PTPRD: variants seen among roughly 807,000 people sequenced by gnomAD.
PTPRD encodes receptor-type tyrosine-protein phosphatase delta.
A neutral mutation model predicts 214.5 loss-of-function variants in PTPRD; 34 were observed. The ratio of observed to expected loss-of-function variants is 0.16; its 90% confidence interval spans 0.12 to 0.21. PTPRD has a LOEUF of 0.21. PTPRD is among the 10% of genes least tolerant of loss of function. PTPRD has a pLI of 1.00. For missense variants in PTPRD, 2,545 were observed against 2,398.7 expected (o/e 1.06, Z -1.27); for synonymous variants, 1,128 against 845.7 (o/e 1.33, Z -5.79).
intron 11 of PTPRD, among the ~76,000 whole-genome samples, chr9:8,800,971 T>C (rs1375339910): frequency 2.6e-5 from 4 of 152,362 alleles, no homozygotes; most frequent in Admixed American, 2.6e-4. Flanking sequence ...TGAACATCAA[T>C]GCTATGGGGC....
At chr9:10,179,077 T>C (rs746571981) in intron 3 of PTPRD, among the ~76,000 whole-genome samples, 34 of 151,886 alleles carry the variant, frequency 2.2e-4, no homozygotes, top group Non-Finnish European at 4.7e-4. Context: ...ATGCTAAATA[T>C]TAAACCAAAA....
chr9:9,273,183 T>C (rs1943622597), intron 9 of PTPRD, among the ~76,000 whole-genome samples: 1 of 151,350 alleles, frequency 6.6e-6, no homozygotes, highest in Non-Finnish European at 1.5e-5. Context: ...TGTCAATATA[T>C]GGCAAAAATG....
intron 9 of PTPRD, among the ~76,000 whole-genome samples, chr9:9,365,896 A>C (rs1325094675): frequency 1.3e-5 from 2 of 151,590 alleles, no homozygotes; most frequent in Non-Finnish European, 3.0e-5. Flanking sequence ...AAATTAATTC[A>C]TTCATTAGAA....
At chr9:8,856,916 A>C (rs2097925521) in intron 11 of PTPRD, among the ~76,000 whole-genome samples, 2 of 152,204 alleles carry the variant, frequency 1.3e-5, no homozygotes, top group African/African-American at 4.8e-5. Flanking sequence ...CCCACATAAA[A>C]GCTACAATAA....
At chr9:9,885,601 T>C (rs79066984) in intron 5 of PTPRD, among the ~76,000 whole-genome samples, 2,294 of 152,002 alleles carry the variant, frequency 0.015, 19 homozygotes, top group Non-Finnish European at 0.024. Flanking sequence ...CAAGAGTCCT[T>C]ATAAGGGAAG....
At chr9:9,540,488 G>T (rs1020520559) in intron 8 of PTPRD, among the ~76,000 whole-genome samples, 3 of 151,674 alleles carry the variant, frequency 2.0e-5, no homozygotes, top group Admixed American at 6.6e-5. Flanking sequence ...AGTGAAATAG[G>T]AGTACCAAAA....
chr9:10,064,949 T>C (rs2097848270), intron 3 of PTPRD, among the ~76,000 whole-genome samples: 2 of 151,990 alleles, frequency 1.3e-5, no homozygotes, highest in African/African-American at 4.8e-5. Context: ...ACAGTGACTT[T>C]CCTAAAATTT....
intron 3 of PTPRD, among the ~76,000 whole-genome samples, chr9:10,042,141 A>G (rs1214916617): frequency 6.6e-6 from 1 of 152,016 alleles, no homozygotes; most frequent in Non-Finnish European, 1.5e-5. Flanking sequence ...AGATTTAAAC[A>G]CTGGCAAATA....
Position 9,816,854 on chromosome 9 carries a change from T to A in PTPRD, c.-367-50003A>T, listed in dbSNP as rs1039925380. 7.3e-5 allele frequency among the ~76,000 whole-genome samples: 11 copies of A among 150,180 alleles called. 1 individual carries two copies. Among genetic ancestry groups the A allele is most frequent in the African/African-American group, 2.5e-4 (10 of 40,114 alleles). ...CTCTCTTATCCTATGCATGAAATGTTAATCACCATTACACTAAGGTGAGAA... is the reference window on the plus strand; with the variant it reads ...CTCTCTTATCCTATGCATGAAATGTAAATCACCATTACACTAAGGTGAGAA... On this transcript the variant is annotated intron_variant, in intron 5 of 45. Coordinates refer to ENST00000381196, the MANE Select transcript of PTPRD (RefSeq NM_002839.4).
intron 3 of PTPRD, among the ~76,000 whole-genome samples, chr9:10,328,227 T>C (rs2096680898): frequency 6.6e-6 from 1 of 151,446 alleles, no homozygotes; most frequent in African/African-American, 2.4e-5. Context: ...ACAGATTAAG[T>C]TTTTTATTTT....
chr9:9,260,992 T>A (rs528757049), intron 9 of PTPRD, among the ~76,000 whole-genome samples: 13 of 149,958 alleles, frequency 8.7e-5, no homozygotes, highest in African/African-American at 3.3e-4. Flanking sequence ...GTACATTTCA[T>A]TTTTTAACAG....
chr9:9,368,851 A>C (rs1247308496), intron 9 of PTPRD, among the ~76,000 whole-genome samples: 1 of 151,904 alleles, frequency 6.6e-6, no homozygotes, highest in Non-Finnish European at 1.5e-5. Flanking sequence ...GGTGTGCTGC[A>C]CCCATTAACT....
chr9:8,465,800 T>C (rs2096533460), intron 31 of PTPRD, 125 bp from the exon 32 acceptor site: 1 of 717,064 alleles, frequency 1.4e-6, no homozygotes, highest in Non-Finnish European at 2.3e-6. Flanking sequence ...ACATTTCATA[T>C]AGCACATCAG....
chr9:10,112,588 T>C (rs575311731), intron 3 of PTPRD, among the ~76,000 whole-genome samples: 48 of 152,342 alleles, frequency 3.2e-4, no homozygotes, highest in Non-Finnish European at 6.2e-4. Flanking sequence ...TGTAACAGCA[T>C]ATGATTAACC....
intron 5 of PTPRD, among the ~76,000 whole-genome samples, chr9:9,923,142 GTGTGTGTA>G (rs1555340253): frequency 4.6e-5 from 7 of 151,268 alleles, no homozygotes; most frequent in Non-Finnish European, 1.0e-4. Flanking sequence ...GTGTGTGTGT[GTGTGTGTA>G]TGTACAGAAA....
At chr9:8,534,935 T>C (rs571727109) in intron 14 of PTPRD, among the ~76,000 whole-genome samples, 1 of 152,080 alleles carries the variant, frequency 6.6e-6, no homozygotes, top group African/African-American at 2.4e-5. Context: ...AGTCAACAGA[T>C]GGCATCATTC....
At chr9:9,480,684 A>AT (rs2095370345) in intron 8 of PTPRD, among the ~76,000 whole-genome samples, 1 of 152,070 alleles carries the variant, frequency 6.6e-6, no homozygotes, top group South Asian at 2.1e-4. Flanking sequence ...TATACCATAT[A>AT]TTTTTTAGTA....
intron 3 of PTPRD, among the ~76,000 whole-genome samples, chr9:10,067,791 C>T (rs537032626): frequency 4.6e-5 from 7 of 151,880 alleles, no homozygotes; most frequent in Admixed American, 1.3e-4. Context: ...ACAGCACAAA[C>T]GAGTTAGATG....
intron 4 of PTPRD, among the ~76,000 whole-genome samples, chr9:9,966,506 C>T (rs910959327): frequency 6.6e-6 from 1 of 152,048 alleles, no homozygotes; most frequent in Non-Finnish European, 1.5e-5. Context: ...ACAAATTATT[C>T]TCCATAAAAG....
Sources: allele counts gnomAD v4.1 joint callset (sites outside exome capture counted in the v4.1 genomes callset), GRCh38; gene constraint gnomAD v4.1.1; transcripts MANE v1.5; gene names NCBI Gene and HGNC (gene_info 2026-07-23, HGNC 2026-07-21).